The following KHDRBS2 variants were observed in gnomAD, a reference collection of about 807,000 sequenced individuals.
KHDRBS2 encodes KH domain-containing, RNA-binding, signal transduction-associated protein 2.
KHDRBS2 carries 26 observed loss-of-function variants against 44.3 expected under a neutral mutation model. The observed-to-expected ratio is 0.59, with a 90% CI of 0.43 to 0.81. The LOEUF (loss-of-function observed/expected upper bound fraction) is 0.81, where lower values mean the gene tolerates loss of function less well. KHDRBS2 is among the 40% of genes least tolerant of loss of function. The pLI is 0.00. For missense variants in KHDRBS2, 476 were observed against 433.1 expected (o/e 1.10, Z -0.88); for synonymous variants, 194 against 151.1 (o/e 1.28, Z -2.08).
At chr6:61,870,262 G>A (rs901235992) in intron 6 of KHDRBS2, among the ~76,000 whole-genome samples, 2 of 152,156 alleles carry the variant, frequency 1.3e-5, no homozygotes, top group African/African-American at 4.8e-5. Context: ...CTCTCACAGT[G>A]TTAACAGCCA....
chr6:61,818,032 C>T (rs1789262106), intron 6 of KHDRBS2, among the ~76,000 whole-genome samples: 1 of 151,840 alleles, frequency 6.6e-6, no homozygotes, highest in African/African-American at 2.4e-5. Context: ...TCTTAAAACC[C>T]AGAGGCTTGA....
At chr6:62,063,665 C>G (rs1300039440) in intron 2 of KHDRBS2, among the ~76,000 whole-genome samples, 2 of 145,576 alleles carry the variant, frequency 1.4e-5, no homozygotes, top group Non-Finnish European at 3.0e-5. Flanking sequence ...AAACCCACAG[C>G]CAATATCATA....
intron 1 of KHDRBS2, among the ~76,000 whole-genome samples, chr6:62,254,864 A>C (rs1157631871): frequency 1.3e-5 from 2 of 152,104 alleles, no homozygotes; most frequent in African/African-American, 4.8e-5. Context: ...TTATAAAAGG[A>C]TAAGAATAAT....
At chr6:62,255,193 A>G (rs1465088192) in intron 1 of KHDRBS2, among the ~76,000 whole-genome samples, 1 of 152,056 alleles carries the variant, frequency 6.6e-6, no homozygotes. Flanking sequence ...GGAAATCCAG[A>G]ACACATTTTC....
At chr6:61,809,825 T>G (rs1387239999) in intron 6 of KHDRBS2, among the ~76,000 whole-genome samples, 1 of 152,200 alleles carries the variant, frequency 6.6e-6, no homozygotes, top group Admixed American at 6.6e-5. Context: ...TTTAGCTGTA[T>G]AAATCATGCG....
At chr6:62,229,622 C>T (rs1490675005) in intron 1 of KHDRBS2, among the ~76,000 whole-genome samples, 2 of 152,114 alleles carry the variant, frequency 1.3e-5, no homozygotes, top group African/African-American at 4.8e-5. Context: ...GAGCCTGGGC[C>T]CCGGTGGCGT....
At chr6:62,083,087 C>G (rs909172427) in intron 2 of KHDRBS2, among the ~76,000 whole-genome samples, 1 of 152,136 alleles carries the variant, frequency 6.6e-6, no homozygotes, top group Non-Finnish European at 1.5e-5. Flanking sequence ...TTCCTGTTTT[C>G]CCACCCAAAT....
chr6:61,829,185 G>A (rs181842561), intron 6 of KHDRBS2, among the ~76,000 whole-genome samples: 214 of 152,274 alleles, frequency 1.4e-3, no homozygotes, highest in Middle Eastern at 6.8e-3. Context: ...TTGTTGAGAC[G>A]CAGTCTCGCT....
intron 1 of KHDRBS2, among the ~76,000 whole-genome samples, chr6:62,262,524 G>A (rs1174017056): frequency 6.6e-6 from 1 of 151,626 alleles, no homozygotes; most frequent in Non-Finnish European, 1.5e-5. Flanking sequence ...AATAATAAAA[G>A]TAGAAATAAA....
At chr6:61,559,810 TC>T in the KHDRBS2 span, among the ~76,000 whole-genome samples, 2 of 152,352 alleles carry the variant, frequency 1.3e-5, no homozygotes, top group East Asian at 1.9e-4. Context: ...GATTGGTTCA[TC>T]TTTTAGTCTT....
chr6:62,266,087 G>C (rs989089210), intron 1 of KHDRBS2, among the ~76,000 whole-genome samples: 37 of 152,148 alleles, frequency 2.4e-4, no homozygotes, highest in African/African-American at 8.4e-4. Flanking sequence ...GGAGGAGATG[G>C]GGCTGACAAG....
intron 3 of KHDRBS2, among the ~76,000 whole-genome samples, chr6:62,009,833 A>C (rs1445946391): frequency 1.3e-5 from 2 of 152,204 alleles, no homozygotes; most frequent in Non-Finnish European, 2.9e-5. Flanking sequence ...CCAACATTTC[A>C]GGAGATGTAT....
chr6:61,652,662 C>A, the KHDRBS2 span, among the ~76,000 whole-genome samples: 2 of 151,930 alleles, frequency 1.3e-5, no homozygotes, highest in Non-Finnish European at 2.9e-5. Flanking sequence ...AGAAAAGTGG[C>A]AAAGGGGACT....
chr6:61,666,366 C>A, the KHDRBS2 span, among the ~76,000 whole-genome samples: 1 of 151,484 alleles, frequency 6.6e-6, no homozygotes, highest in South Asian at 2.1e-4. Context: ...TGTAGACATA[C>A]TTGAAGTTAT....
At chr6:62,186,271 C>T (rs1260715563) in intron 1 of KHDRBS2, among the ~76,000 whole-genome samples, 6 of 152,062 alleles carry the variant, frequency 3.9e-5, no homozygotes, top group Non-Finnish European at 7.4e-5. Context: ...CCTCCTAAAA[C>T]GGCTGTAAGG....
the KHDRBS2 span, among the ~76,000 whole-genome samples, chr6:61,554,133 T>C: frequency 2.6e-5 from 4 of 152,218 alleles, no homozygotes; most frequent in African/African-American, 9.6e-5. Flanking sequence ...CATAGTTATC[T>C]AAATCTCTTC....
chr6:61,901,749 T>C (rs1190291343), intron 4 of KHDRBS2, among the ~76,000 whole-genome samples: 1 of 152,128 alleles, frequency 6.6e-6, no homozygotes, highest in African/African-American at 2.4e-5. Flanking sequence ...TGAATGAATG[T>C]GTGTAGAATA....
chr6:61,942,116 T>G (rs1812253508), intron 4 of KHDRBS2, among the ~76,000 whole-genome samples: 1 of 144,128 alleles, frequency 6.9e-6, no homozygotes. Context: ...ACACCACACC[T>G]ACCCAATTAA....
At chr6:61,653,117 A>G in the KHDRBS2 span, among the ~76,000 whole-genome samples, 1 of 152,238 alleles carries the variant, frequency 6.6e-6, no homozygotes. Flanking sequence ...GTCAGTGAGA[A>G]TATATTTAGA....
Sources: allele counts gnomAD v4.1 joint callset (sites outside exome capture counted in the v4.1 genomes callset), GRCh38; gene constraint gnomAD v4.1.1; transcripts MANE v1.5; gene names NCBI Gene and HGNC (gene_info 2026-07-23, HGNC 2026-07-21).